GRAMD1B: variants seen among roughly 807,000 people sequenced by gnomAD.
GRAMD1B encodes the protein GRAM domain containing 1B, also known as protein Aster-B.
GRAMD1B carries 37 observed loss-of-function variants against 99.7 expected under a neutral mutation model. The observed-to-expected ratio is 0.37, with a 90% CI of 0.29 to 0.49. The LOEUF is 0.49. GRAMD1B is among the 20% of genes least tolerant of loss of function. The pLI, the probability that GRAMD1B is intolerant of heterozygous loss-of-function variation, is 0.98. For missense variants in GRAMD1B, 888 were observed against 1,009.2 expected (o/e 0.88, Z 1.63); for synonymous variants, 427 against 387.6 (o/e 1.10, Z -1.19).
At chr11:123,542,779 A>G (rs1944662920) in intron 2 of GRAMD1B, among the ~76,000 whole-genome samples, 1 of 151,982 alleles carries the variant, frequency 6.6e-6, no homozygotes, top group Admixed American at 6.6e-5. Flanking sequence ...CAGCCTCCCG[A>G]GTAGCTGGGA....
intron 1 of GRAMD1B, among the ~76,000 whole-genome samples, chr11:123,388,681 T>TCAAACAAACAAACAAA (rs35971361): frequency 1.3e-5 from 2 of 149,446 alleles, no homozygotes; most frequent in African/African-American, 2.5e-5. Flanking sequence ...AGACCCTGTT[T>TCAAACAAACAAACAAA]CAAACAAACA....
At chr11:123,575,640 G>A (rs1435744177) in intron 2 of GRAMD1B, among the ~76,000 whole-genome samples, 1 of 152,152 alleles carries the variant, frequency 6.6e-6, no homozygotes, top group Non-Finnish European at 1.5e-5. Context: ...CCAGAAAGAC[G>A]TGTGTTGGCA....
At chr11:123,499,534 T>C (rs1591720999) in intron 2 of GRAMD1B, among the ~76,000 whole-genome samples, 1 of 152,174 alleles carries the variant, frequency 6.6e-6, no homozygotes, top group Non-Finnish European at 1.5e-5. Flanking sequence ...AGTTACTTAT[T>C]CCATCTTATC....
chr11:123,541,259 A>AG (rs1944494139), intron 2 of GRAMD1B, among the ~76,000 whole-genome samples: 1 of 152,170 alleles, frequency 6.6e-6, no homozygotes, highest in African/African-American at 2.4e-5. Flanking sequence ...TACAGGGACT[A>AG]GCATTCTTTA....
At chr11:123,482,678 G>A (rs1025923242) in intron 2 of GRAMD1B, among the ~76,000 whole-genome samples, 3 of 152,148 alleles carry the variant, frequency 2.0e-5, no homozygotes, top group Non-Finnish European at 2.9e-5. Flanking sequence ...ACCATATTTC[G>A]TGTATTATTC....
At chr11:123,551,750 C>T (rs1262037448) in intron 2 of GRAMD1B, among the ~76,000 whole-genome samples, 1 of 152,102 alleles carries the variant, frequency 6.6e-6, no homozygotes, top group East Asian at 1.9e-4. Context: ...TTGGTAGTTT[C>T]TTCATTCATG....
chr11:123,445,095 A>G (rs1744886769), intron 1 of GRAMD1B, among the ~76,000 whole-genome samples: 1 of 152,222 alleles, frequency 6.6e-6, no homozygotes, highest in Admixed American at 6.5e-5. Flanking sequence ...AATATATTTC[A>G]TCTCATACTA....
At chr11:123,590,536 G>A (rs1950542658) in intron 4 of GRAMD1B, among the ~76,000 whole-genome samples, 1 of 152,204 alleles carries the variant, frequency 6.6e-6, no homozygotes, top group South Asian at 2.1e-4. Flanking sequence ...CCATCACCCA[G>A]ATCCTGTAAC....
At chr11:123,618,249 C>G (rs1954703161) in intron 17 of GRAMD1B, 2 of 997,560 alleles carry the variant, frequency 2.0e-6, no homozygotes, top group Non-Finnish European at 3.2e-6. Flanking sequence ...CTCTCACTCA[C>G]TCCCAGGTTG....
intron 1 of GRAMD1B, chr11:123,432,110 A>C: frequency 2.5e-6 from 1 of 398,642 alleles, no homozygotes; most frequent in East Asian, 3.6e-5. Context: ...CTGTTCAATT[A>C]CATTGATTTC....
At chr11:123,412,679 T>C (rs1948092346) in intron 1 of GRAMD1B, among the ~76,000 whole-genome samples, 1 of 152,216 alleles carries the variant, frequency 6.6e-6, no homozygotes, top group Non-Finnish European at 1.5e-5. Flanking sequence ...AACCCAGCCC[T>C]GAAAACATAA....
intron 1 of GRAMD1B, among the ~76,000 whole-genome samples, chr11:123,370,337 CTTTTTTTTT>C (rs1163332610): frequency 1.9e-5 from 2 of 102,844 alleles, no homozygotes; most frequent in African/African-American, 4.8e-5. Context: ...GAAGTTATCT[CTTTTTTTTT>C]TTTTTTTTTT....
chr11:123,365,462 G>A (rs1946287919), intron 1 of GRAMD1B, among the ~76,000 whole-genome samples: 1 of 152,124 alleles, frequency 6.6e-6, no homozygotes, highest in Admixed American at 6.5e-5. Flanking sequence ...ATGTTGGCCA[G>A]GCTGGTCTCG....
intron 8 of GRAMD1B, among the ~76,000 whole-genome samples, chr11:123,603,162 T>C (rs553459628): frequency 7.8e-4 from 118 of 152,236 alleles, no homozygotes; most frequent in Non-Finnish European, 1.5e-3. Flanking sequence ...TGGGAGCCAG[T>C]TGGTCACGTT....
At chr11:123,432,428 G>T (rs777472394) in intron 1 of GRAMD1B, among the ~76,000 whole-genome samples, 1 of 151,934 alleles carries the variant, frequency 6.6e-6, no homozygotes, top group African/African-American at 2.4e-5. Context: ...GTAGTGGCAG[G>T]CTCCTGTAAT....
At chr11:123,571,318 G>C (rs975763197) in intron 2 of GRAMD1B, among the ~76,000 whole-genome samples, 1 of 152,156 alleles carries the variant, frequency 6.6e-6, no homozygotes, top group Non-Finnish European at 1.5e-5. Flanking sequence ...AAGCAAAGTG[G>C]TGTAGCGGCC....
In GRAMD1B at chr11:123,430,545, C is replaced by G. The variant is rs987870345; in HGVS notation, c.-248C>G. On this transcript the variant is annotated 5_prime_UTR_variant, in exon 1 of 20. Coordinates refer to ENST00000635736, the MANE Select transcript of GRAMD1B (RefSeq NM_001387025.1). ...GGCTGGCAGGCGGCTCCCGCCCCTC[C>G]CGGGTGGCCTCGCCGGCGGCTGACG... 4 of 450,468 alleles carry G rather than the reference C, an allele frequency of 8.9e-6. No homozygotes were observed. Among genetic ancestry groups the G allele is most frequent in the Non-Finnish European group, 3.9e-6 (1 of 256,366 alleles). The allele number at this position is 450,468 out of a possible 1,614,324, so 27.9% of individuals were successfully genotyped here.
chr11:123,401,112 T>A (rs914326868), intron 1 of GRAMD1B, among the ~76,000 whole-genome samples: 2 of 152,196 alleles, frequency 1.3e-5, no homozygotes, highest in African/African-American at 2.4e-5. Flanking sequence ...TATTTCCACT[T>A]TCTAGATGAA....
chr11:123,502,603 C>T (rs1456796009), intron 2 of GRAMD1B, among the ~76,000 whole-genome samples: 2 of 151,916 alleles, frequency 1.3e-5, no homozygotes, highest in East Asian at 3.9e-4. Context: ...GGTGAAACTC[C>T]GTCTCTACTA....
Sources: gnomAD v4.1 joint callset for allele counts (sites outside exome capture counted in the v4.1 genomes callset) on GRCh38, gnomAD v4.1.1 for gene constraint, MANE v1.5 for transcripts, NCBI Gene and HGNC (gene_info 2026-07-23, HGNC 2026-07-21) for gene names.